EPG5: variants seen among roughly 807,000 people sequenced by gnomAD.
The protein encoded by EPG5 is ectopic P-granules 5 autophagy tethering factor.
EPG5 carries 159 observed loss-of-function variants against 302.7 expected under a neutral mutation model. The ratio of observed to expected loss-of-function variants is 0.53; its 90% CI spans 0.46 to 0.60. The LOEUF (loss-of-function observed/expected upper bound fraction) is 0.60, where lower values mean the gene tolerates loss of function less well. EPG5 is among the 20% of genes least tolerant of loss of function. The pLI is 0.00. For missense variants in EPG5, 2,896 were observed against 3,092.4 expected, an observed-to-expected ratio of 0.94 and a Z score of 1.51; for synonymous variants, 1,158 against 1,136.8, an observed-to-expected ratio of 1.02 and a Z score of -0.37.
the EPG5 span, among the ~76,000 whole-genome samples, chr18:45,802,986 T>C: frequency 8.3e-4 from 127 of 152,300 alleles, no homozygotes; most frequent in African/African-American, 3.0e-3. Flanking sequence ...CATGAGTCAG[T>C]ATCTCCTGTT....
chr18:45,810,796 A>G, the EPG5 span, among the ~76,000 whole-genome samples: 3 of 152,166 alleles, frequency 2.0e-5, no homozygotes, highest in Non-Finnish European at 4.4e-5. Flanking sequence ...AACAAAAAAA[A>G]AGATAATACT....
chr18:45,816,431 A>C, the EPG5 span, among the ~76,000 whole-genome samples: 1 of 152,190 alleles, frequency 6.6e-6, no homozygotes, highest in Non-Finnish European at 1.5e-5. Context: ...ACAAATCAGC[A>C]AGAAAAAAAC....
chr18:45,837,874 C>T, the EPG5 span: 1 of 1,530,354 alleles, frequency 6.5e-7, no homozygotes, highest in Non-Finnish European at 8.7e-7. Context: ...AGAGCCGCCA[C>T]GGCGTCCGGC....
rs565249137 is a variant in EPG5, at chr18:45,854,101, A to G, written c.7558-1452T>C. ...TGATGCTGCAGGTACTGGTGGCCACAGGAGACGTAGTCTTCTCAAATACAC... is the reference window on the plus strand; with the variant it reads ...TGATGCTGCAGGTACTGGTGGCCACGGGAGACGTAGTCTTCTCAAATACAC... On this transcript the variant is annotated intron_variant, in intron 43 of 43. Transcript: ENST00000282041. 3.9e-5 allele frequency among the ~76,000 whole-genome samples: 6 copies of G among 152,320 alleles called. No individual in the cohort carries two copies. In the South Asian group the frequency reaches 1.2e-3, roughly 32 times the overall value.
the EPG5 span, among the ~76,000 whole-genome samples, chr18:45,803,761 G>GA: frequency 2.0e-5 from 3 of 152,060 alleles, no homozygotes; most frequent in Non-Finnish European, 4.4e-5. Flanking sequence ...GGGCCACTCA[G>GA]AAAAAAACAG....
At chr18:45,861,541 A>G (rs988317529) in intron 39 of EPG5, among the ~76,000 whole-genome samples, 7 of 152,114 alleles carry the variant, frequency 4.6e-5, no homozygotes, top group African/African-American at 1.7e-4. Context: ...GCCAGCTATT[A>G]TTCAACCTTC....
intron 30 of EPG5, among the ~76,000 whole-genome samples, chr18:45,882,828 A>G (rs1464714547): frequency 1.3e-5 from 2 of 151,898 alleles, no homozygotes; most frequent in Non-Finnish European, 2.9e-5. Flanking sequence ...ACCAACATGG[A>G]GAAATCCGGT....
chr18:45,951,180 A>G lies in EPG5; in HGVS notation c.1311T>C (p.Ser437=). ...CTCTCCTGGTGAACATGAATAAGAC[A>G]CTAATGCATTCCTTTAGTTGACACA... ...SDLCQLKECI[S]VLFMFTRRVN... is the part of the protein sequence containing the mutation. Residue 437 remains serine, a synonymous_variant, in exon 4 of 44, where the codon AGT becomes AGC. Coordinates refer to ENST00000282041, the MANE Select transcript of EPG5 (RefSeq NM_020964.3). 1 of 1,595,712 alleles carries G rather than the reference A, an allele frequency of 6.3e-7. No homozygotes were observed.
intron 9 of EPG5, among the ~76,000 whole-genome samples, chr18:45,941,204 T>C (rs1230038965): frequency 1.3e-5 from 2 of 151,988 alleles, no homozygotes; most frequent in Non-Finnish European, 2.9e-5. Context: ...GTCAGTGAAA[T>C]GGTGGAGAAA....
At position 45,870,577 on chromosome 18, in the gene EPG5, G is replaced by C. The variant is rs764464544; in HGVS notation, c.6215C>G (p.Ala2072Gly). The change falls in exon 36 of 44, where the codon GCC (alanine) becomes GGC (glycine). Residue 2072 changes from alanine to glycine, a missense_variant. This residue lies in a region of EPG5 where 620 missense variants were observed against 704.2 expected (regional missense o/e 0.88). Transcript: ENST00000282041. ...GAATGAAGGGCTTACTTTGAAGAAGGCCTCCATGAGCATCTGGTCAGGGTG... is the reference window on the plus strand; with the variant it reads ...GAATGAAGGGCTTACTTTGAAGAAGCCCTCCATGAGCATCTGGTCAGGGTG... ...DLHPDQMLMEAFFKVERGSPK... is the reference protein window; with the variant it reads ...DLHPDQMLMEGFFKVERGSPK... The C allele has an allele frequency of 3.7e-5, 59 of 1,612,354 alleles. No homozygotes were observed. In the Middle Eastern group the frequency reaches 8.2e-4, roughly 23 times the overall value.
At chr18:45,952,207 G>A (rs543912998) in intron 3 of EPG5, among the ~76,000 whole-genome samples, 193 bp downstream of exon 3, 41 of 152,324 alleles carry the variant, frequency 2.7e-4, no homozygotes, top group Non-Finnish European at 1.2e-4. Flanking sequence ...CACGGAGAAA[G>A]GAGACCTGGC....
the EPG5 span, among the ~76,000 whole-genome samples, chr18:45,825,071 G>T: frequency 6.8e-6 from 1 of 147,746 alleles, no homozygotes; most frequent in African/African-American, 2.5e-5. Flanking sequence ...CTGTGTATCT[G>T]CCCTCTGCAT....
At chr18:45,814,733 T>C in the EPG5 span, among the ~76,000 whole-genome samples, 5 of 152,204 alleles carry the variant, frequency 3.3e-5, no homozygotes, top group Admixed American at 2.6e-4. Flanking sequence ...AATTGAATTA[T>C]CTGCCTAAGA....
chr18:45,919,080 G>A (rs1019486874), intron 16 of EPG5, among the ~76,000 whole-genome samples: 1 of 152,072 alleles, frequency 6.6e-6, no homozygotes, highest in African/African-American at 2.4e-5. Flanking sequence ...AATGATGGAT[G>A]AAAATAAACA....
chr18:45,859,051 G>C (rs1016476005), intron 40 of EPG5, among the ~76,000 whole-genome samples: 1 of 152,148 alleles, frequency 6.6e-6, no homozygotes, highest in Non-Finnish European at 1.5e-5. Context: ...TCAGAATTCA[G>C]GGCTGCATAC....
At chr18:45,963,244 GCTT>G (rs937263331) in intron 1 of EPG5, among the ~76,000 whole-genome samples, 2 of 152,198 alleles carry the variant, frequency 1.3e-5, no homozygotes, top group Admixed American at 1.3e-4. Context: ...ATGAGAAAAA[GCTT>G]CTCTGACGAA....
intron 13 of EPG5, among the ~76,000 whole-genome samples, chr18:45,926,913 G>T (rs2050283151): frequency 6.6e-6 from 1 of 151,892 alleles, no homozygotes. Context: ...CATTTCTCTG[G>T]AATTCATCCA....
chr18:45,963,588 T>TCA (rs1215288885), intron 1 of EPG5, among the ~76,000 whole-genome samples: 3 of 151,980 alleles, frequency 2.0e-5, no homozygotes, highest in Non-Finnish European at 4.4e-5. Flanking sequence ...TGAGCCAAGA[T>TCA]CACACCACTT....
chr18:45,930,259 G>C (rs1238818111), intron 12 of EPG5, among the ~76,000 whole-genome samples: 1 of 152,114 alleles, frequency 6.6e-6, no homozygotes, highest in Non-Finnish European at 1.5e-5. Context: ...ATTAATAGCA[G>C]AGTTAAAACT....
Sources: gnomAD v4.1 joint callset for allele counts (sites outside exome capture counted in the v4.1 genomes callset) on GRCh38, gnomAD v4.1.1 for gene constraint, gnomAD v4.1.1 regional missense constraint, MANE v1.5 for transcripts, NCBI Gene and HGNC (gene_info 2026-07-23, HGNC 2026-07-21) for gene names.